The following SDK1 variants were observed in gnomAD, a reference collection of about 807,000 sequenced individuals.
SDK1 encodes the protein protein sidekick-1.
Under a neutral mutation model 245.5 loss-of-function variants are expected in SDK1, and 157 were observed. The observed-to-expected ratio is 0.64, with a 90% CI of 0.56 to 0.73. The LOEUF is 0.73. Ranked by LOEUF, SDK1 falls within the 30% of genes least tolerant of loss-of-function variation. The pLI is 0.00. For missense variants in SDK1, 3,583 were observed against 3,002.3 expected (o/e 1.19, Z -4.52); for synonymous variants, 1,647 against 1,278.5 (o/e 1.29, Z -6.15).
chr7:3,546,568 A>G (rs1007341708), intron 1 of SDK1, among the ~76,000 whole-genome samples: 18 of 152,266 alleles, frequency 1.2e-4, no homozygotes, highest in African/African-American at 3.9e-4. Context: ...AAAAGAGAAC[A>G]GGAGAAATGT....
chr7:3,392,347 G>C (rs138926631), intron 1 of SDK1, among the ~76,000 whole-genome samples: 78 of 152,176 alleles, frequency 5.1e-4, no homozygotes, highest in African/African-American at 1.8e-3. Context: ...AACTCAAATT[G>C]TCAAATCTTT....
intron 21 of SDK1, among the ~76,000 whole-genome samples, chr7:4,077,879 C>T (rs1780797208): frequency 6.6e-6 from 1 of 152,154 alleles, no homozygotes; most frequent in Admixed American, 6.5e-5. Context: ...ACAGCCAAAC[C>T]ATATCAATGA....
At chr7:4,033,950 C>T (rs905981812) in intron 17 of SDK1, among the ~76,000 whole-genome samples, 2 of 152,082 alleles carry the variant, frequency 1.3e-5, no homozygotes, top group African/African-American at 2.4e-5. Flanking sequence ...AGTATGTATA[C>T]ATCACAAAGG....
intron 4 of SDK1, among the ~76,000 whole-genome samples, chr7:3,801,866 A>G (rs1779115139): frequency 6.6e-6 from 1 of 152,286 alleles, no homozygotes. Context: ...TCAAACTCCA[A>G]CATTTGTGTC....
At chr7:3,386,411 G>C (rs991744219) in intron 1 of SDK1, among the ~76,000 whole-genome samples, 5 of 152,122 alleles carry the variant, frequency 3.3e-5, no homozygotes, top group African/African-American at 9.7e-5. Context: ...ATGTGATTTA[G>C]CTTTATATAG....
chr7:3,809,643 T>G (rs1779335893), intron 4 of SDK1, among the ~76,000 whole-genome samples: 1 of 152,176 alleles, frequency 6.6e-6, no homozygotes, highest in African/African-American at 2.4e-5. Flanking sequence ...TGCTCATAAT[T>G]TTCTAGTATT....
chr7:3,732,032 C>T (rs1319985151), intron 4 of SDK1, among the ~76,000 whole-genome samples: 5 of 152,172 alleles, frequency 3.3e-5, no homozygotes, highest in African/African-American at 9.7e-5. Flanking sequence ...CCTCGTGATC[C>T]ACCCGCCTCA....
intron 43 of SDK1, among the ~76,000 whole-genome samples, chr7:4,242,944 C>A (rs961877561): frequency 2.6e-5 from 4 of 152,220 alleles, no homozygotes; most frequent in Non-Finnish European, 4.4e-5. Context: ...GGTGCCAGTC[C>A]AAAGCACCGC....
chr7:3,419,402 T>C (rs1779473671), intron 1 of SDK1, among the ~76,000 whole-genome samples: 1 of 152,020 alleles, frequency 6.6e-6, no homozygotes. Flanking sequence ...TTGCTCATGT[T>C]CTCCTCCCTG....
intron 1 of SDK1, among the ~76,000 whole-genome samples, chr7:3,554,348 C>A (rs950345096): frequency 1.3e-5 from 2 of 152,102 alleles, no homozygotes; most frequent in Non-Finnish European, 2.9e-5. Flanking sequence ...TTAAATAATA[C>A]ATGATTTAAA....
chr7:3,886,154 C>T (rs528599496), intron 5 of SDK1, among the ~76,000 whole-genome samples: 40 of 152,296 alleles, frequency 2.6e-4, no homozygotes, highest in African/African-American at 9.4e-4. Flanking sequence ...AGTTATCCTA[C>T]GTCAGGGATG....
intron 1 of SDK1, among the ~76,000 whole-genome samples, chr7:3,562,540 T>C (rs1315034245): frequency 6.6e-6 from 1 of 152,220 alleles, no homozygotes; most frequent in Non-Finnish European, 1.5e-5. Context: ...CTTTAGCTTC[T>C]GTATAGTGGC....
At chr7:4,234,612 C>G (rs529537414) in intron 41 of SDK1, among the ~76,000 whole-genome samples, 4 of 152,316 alleles carry the variant, frequency 2.6e-5, no homozygotes, top group Non-Finnish European at 5.9e-5. Context: ...TTGTGGCCCC[C>G]CAGCCCCCCA....
At chr7:4,090,788 T>A (rs546631970) in intron 22 of SDK1, among the ~76,000 whole-genome samples, 5 of 152,332 alleles carry the variant, frequency 3.3e-5, no homozygotes, top group African/African-American at 1.2e-4. Flanking sequence ...GAAATGTACA[T>A]ATATCTATAG....
At position 3,657,552 on chromosome 7, in the gene SDK1, G is replaced by A. The variant is rs141925039; in HGVS notation, c.713+15447G>A. 8.0e-3 allele frequency among the ~76,000 whole-genome samples: 1,216 copies of A among 152,264 alleles called. 3 individuals are homozygous for A. The highest frequency in any genetic ancestry group is 0.014 in the Non-Finnish European group (946 of 68,010). ...CTGTGAGAGCCAGCTGTGCTCTCTC[G>A]TCACTTTCTGCCTGTGAGCAAGCCT... On this transcript the variant is annotated intron_variant, in intron 4 of 44. Coordinates refer to ENST00000404826, the MANE Select transcript of SDK1 (RefSeq NM_152744.4).
chr7:3,503,381 T>A (rs1456604824), intron 1 of SDK1, among the ~76,000 whole-genome samples: 1 of 152,188 alleles, frequency 6.6e-6, no homozygotes, highest in East Asian at 1.9e-4. Flanking sequence ...ATTCCACAAG[T>A]TAAGAAAACA....
At chr7:3,829,966 T>C (rs1779874305) in intron 5 of SDK1, among the ~76,000 whole-genome samples, 1 of 152,098 alleles carries the variant, frequency 6.6e-6, no homozygotes, top group Non-Finnish European at 1.5e-5. Flanking sequence ...TAATGGAGCA[T>C]CAGAACAATA....
intron 37 of SDK1, among the ~76,000 whole-genome samples, chr7:4,209,787 C>G (rs1005326364): frequency 1.3e-5 from 2 of 152,162 alleles, no homozygotes; most frequent in Admixed American, 6.5e-5. Flanking sequence ...CTCTCAAGCC[C>G]CTTTGTGTTT....
chr7:3,664,001 C>T (rs1194756557), intron 4 of SDK1, among the ~76,000 whole-genome samples: 1 of 152,012 alleles, frequency 6.6e-6, no homozygotes, highest in Admixed American at 6.6e-5. Context: ...TATTTCCGGG[C>T]CCCTAACATC....
Sources: allele counts gnomAD v4.1 joint callset (sites outside exome capture counted in the v4.1 genomes callset), GRCh38; gene constraint gnomAD v4.1.1; transcripts MANE v1.5; gene names NCBI Gene and HGNC (gene_info 2026-07-23, HGNC 2026-07-21).